The following ROBO2 variants were observed in gnomAD, a reference collection of about 807,000 sequenced individuals.
The protein encoded by ROBO2 is roundabout homolog 2.
ROBO2 carries 53 observed loss-of-function variants against 160.8 expected under a neutral mutation model. The ratio of observed to expected loss-of-function variants is 0.33; its 90% confidence interval spans 0.26 to 0.41. The LOEUF (loss-of-function observed/expected upper bound fraction) is 0.41. ROBO2 is among the 10% of genes least tolerant of loss of function. The pLI is 1.00. For missense variants in ROBO2, 1,577 were observed against 1,722.4 expected (o/e 0.92, Z 1.49); for synonymous variants, 664 against 611.7 (o/e 1.09, Z -1.26).
At chr3:76,532,796 T>C (rs1384716273) in intron 2 of ROBO2, among the ~76,000 whole-genome samples, 1 of 152,214 alleles carries the variant, frequency 6.6e-6, no homozygotes, top group African/African-American at 2.4e-5. Flanking sequence ...GAAGAAAGCC[T>C]GGAAACCTGT....
At chr3:75,978,644 T>C (rs1465949337) in intron 2 of ROBO2, among the ~76,000 whole-genome samples, 1 of 151,530 alleles carries the variant, frequency 6.6e-6, no homozygotes, top group Middle Eastern at 3.2e-3. Flanking sequence ...TCCTTAAGAG[T>C]TAATAATTGA....
chr3:77,417,770 C>T (rs920698865), intron 2 of ROBO2, among the ~76,000 whole-genome samples: 1 of 152,056 alleles, frequency 6.6e-6, no homozygotes, highest in Non-Finnish European at 1.5e-5. Flanking sequence ...TTATCAATGA[C>T]ATAGATTATC....
intron 2 of ROBO2, among the ~76,000 whole-genome samples, chr3:76,962,054 G>A (rs2079701936): frequency 6.6e-6 from 1 of 152,042 alleles, no homozygotes; most frequent in Admixed American, 6.5e-5. Context: ...TTAAAAGATT[G>A]CCAGGCACGG....
chr3:76,280,063 C>T (rs181692372), intron 2 of ROBO2, among the ~76,000 whole-genome samples: 166 of 152,110 alleles, frequency 1.1e-3, no homozygotes, highest in African/African-American at 3.8e-3. Flanking sequence ...TATCCCCATT[C>T]CTTTTGCTAT....
intron 2 of ROBO2, among the ~76,000 whole-genome samples, chr3:77,279,892 A>T (rs1265619661): frequency 6.6e-6 from 1 of 152,166 alleles, no homozygotes; most frequent in Non-Finnish European, 1.5e-5. Context: ...ACACACACAG[A>T]CATTACATTA....
chr3:76,059,403 A>T (rs535151338), intron 2 of ROBO2, among the ~76,000 whole-genome samples: 1 of 152,298 alleles, frequency 6.6e-6, no homozygotes, highest in South Asian at 2.1e-4. Flanking sequence ...ATGACCAGTG[A>T]TGATGAGCAT....
chr3:75,976,627 A>C (rs970592629), intron 2 of ROBO2, among the ~76,000 whole-genome samples: 1 of 151,594 alleles, frequency 6.6e-6, no homozygotes. Flanking sequence ...TGTTAATAAA[A>C]ATTTAAAAAT....
chr3:76,751,609 C>A (rs957624926), intron 2 of ROBO2, among the ~76,000 whole-genome samples: 1 of 152,040 alleles, frequency 6.6e-6, no homozygotes, highest in Non-Finnish European at 1.5e-5. Flanking sequence ...AATCAAACAA[C>A]CCCATCAAAA....
At chr3:76,119,031 T>C (rs2070603931) in intron 2 of ROBO2, among the ~76,000 whole-genome samples, 1 of 152,152 alleles carries the variant, frequency 6.6e-6, no homozygotes, top group African/African-American at 2.4e-5. Context: ...ATGACTACTC[T>C]TGGGAAATGA....
At chr3:77,503,982 C>T (rs1055312438) in intron 5 of ROBO2, among the ~76,000 whole-genome samples, 1 of 152,242 alleles carries the variant, frequency 6.6e-6, no homozygotes, top group African/African-American at 2.4e-5. Flanking sequence ...ATACCCTGAT[C>T]CCCTTCAGTG....
At chr3:76,552,317 C>A (rs191155520) in intron 2 of ROBO2, among the ~76,000 whole-genome samples, 2 of 152,240 alleles carry the variant, frequency 1.3e-5, no homozygotes, top group East Asian at 3.9e-4. Flanking sequence ...GAGGGACAAC[C>A]ATAATTCATG....
At position 76,504,958 on chromosome 3, in the gene ROBO2, G is replaced by T. The variant is rs150900922; in HGVS notation, c.109+567356G>T. 2.4e-3 allele frequency among the ~76,000 whole-genome samples: 369 copies of T among 152,186 alleles called. 3 individuals are homozygous for T. Among genetic ancestry groups the T allele is most frequent in the African/African-American group, 8.4e-3 (347 of 41,518 alleles). On this transcript the variant is annotated intron_variant, in intron 2 of 26. Transcript: ENST00000487694. ...AATTTCATCATTGGCTTAGAAGATGGAAAACCACACACATTTATTATGTTT... is the reference window on the plus strand; with the variant it reads ...AATTTCATCATTGGCTTAGAAGATGTAAAACCACACACATTTATTATGTTT...
intron 2 of ROBO2, among the ~76,000 whole-genome samples, chr3:76,890,168 G>A (rs919359187): frequency 1.3e-5 from 2 of 152,130 alleles, no homozygotes; most frequent in African/African-American, 4.8e-5. Context: ...ATATGATAGT[G>A]GGTTATTGAG....
intron 2 of ROBO2, among the ~76,000 whole-genome samples, chr3:76,597,245 GA>G (rs200754686): frequency 6.6e-6 from 1 of 151,728 alleles, no homozygotes; most frequent in East Asian, 1.9e-4. Flanking sequence ...ATTCATAAAA[GA>G]AAAAATTAAT....
In ROBO2 at chr3:76,110,544, G is replaced by A. The variant is rs568148299; in HGVS notation, c.109+172942G>A. 1.2e-4 allele frequency among the ~76,000 whole-genome samples: 18 copies of A among 152,146 alleles called. No individual in the cohort carries two copies. The South Asian group carries it at 3.7e-3, about 32-fold the overall frequency. On this transcript the variant is annotated intron_variant, in intron 2 of 26. Coordinates refer to the ROBO2 transcript ENST00000487694. ...GGTTAAATATAAGATGGAAAATAAT[G>A]GCACTGATGTTTTAGAGTTAAAGGT...
rs534166407 is a variant in ROBO2, at chr3:76,159,340, G to A, written c.109+221738G>A. ...GTTCTCTTGACAATACAAAGGACAG[G>A]TAGTCACTTCAAACATTCTTTTTTC... On this transcript the variant is annotated intron_variant, in intron 2 of 26. Transcript: ENST00000487694. Among the ~76,000 whole-genome samples, 180 of 152,240 alleles carry A rather than the reference G, an allele frequency of 1.2e-3. 1 individual carries two copies. The highest frequency in any genetic ancestry group is 3.4e-3 in the Middle Eastern group (1 of 294).
chr3:77,042,975 G>GTCAAA (rs1319942014), intron 1 of ROBO2, among the ~76,000 whole-genome samples: 1 of 152,154 alleles, frequency 6.6e-6, no homozygotes, highest in Non-Finnish European at 1.5e-5. Flanking sequence ...CATCTGCTGT[G>GTCAAA]TCAAAAGCAA....
chr3:76,902,503 C>A (rs964393831), intron 2 of ROBO2, among the ~76,000 whole-genome samples: 2 of 152,036 alleles, frequency 1.3e-5, no homozygotes, highest in African/African-American at 4.8e-5. Context: ...TGATTTTAAT[C>A]AAATTTATAC....
At chr3:76,408,327 G>A (rs1327824286) in intron 2 of ROBO2, among the ~76,000 whole-genome samples, 1 of 151,982 alleles carries the variant, frequency 6.6e-6, no homozygotes, top group Non-Finnish European at 1.5e-5. Flanking sequence ...TAAATTCATG[G>A]ACAAAATTAT....
Sources: gnomAD v4.1 joint callset for allele counts (sites outside exome capture counted in the v4.1 genomes callset) on GRCh38, gnomAD v4.1.1 for gene constraint, MANE v1.5 for transcripts, NCBI Gene and HGNC (gene_info 2026-07-23, HGNC 2026-07-21) for gene names.